AKT2: variants seen among roughly 807,000 people sequenced by gnomAD.
AKT2 encodes the protein AKT serine/threonine kinase 2, also known as RAC-beta serine/threonine-protein kinase.
AKT2 carries 16 observed loss-of-function variants against 58.6 expected under a neutral mutation model. The observed-to-expected ratio is 0.27, with a 90% CI of 0.18 to 0.41. The LOEUF is 0.41. AKT2 is among the 10% of genes least tolerant of loss of function. The pLI, the probability that AKT2 is intolerant of heterozygous loss-of-function variation, is 1.00. For missense variants in AKT2, 438 were observed against 661.0 expected (o/e 0.66, Z 3.70); for synonymous variants, 253 against 254.0 (o/e 1.00, Z 0.04).
intron 4 of AKT2, among the ~76,000 whole-genome samples, chr19:40,252,260 C>T (rs1451404631): frequency 6.6e-6 from 1 of 152,142 alleles, no homozygotes; most frequent in African/African-American, 2.4e-5. Flanking sequence ...TCTGGTTCAC[C>T]CCCTCCACCC....
At chr19:40,245,197 C>T (rs1974670210) in intron 4 of AKT2, among the ~76,000 whole-genome samples, 1 of 152,136 alleles carries the variant, frequency 6.6e-6, no homozygotes, top group Non-Finnish European at 1.5e-5. Context: ...AAGATTGAGG[C>T]AGGTCTGTAT....
At position 40,235,551 on chromosome 19, in the gene AKT2, G is replaced by A. The variant is rs1044742951; in HGVS notation, c.1176-201C>T. 82 of 656,370 alleles carry A rather than the reference G, an allele frequency of 1.2e-4. No homozygotes were observed. The highest frequency in any genetic ancestry group is 8.4e-4 in the African/African-American group (47 of 56,266). 40.7% of individuals were successfully genotyped at this position (656,370 alleles called of 1,614,324 possible). Reference sequence around the variant, plus strand: ...CAGGGAGTCAGCAACCCGGACCCACGTGTCCTCACTGCCTGGCCTTACCCT... The same window carrying A: ...CAGGGAGTCAGCAACCCGGACCCACATGTCCTCACTGCCTGGCCTTACCCT... On this transcript the variant is annotated intron_variant, in intron 11 of 13. Coordinates refer to ENST00000392038, the MANE Select transcript of AKT2 (RefSeq NM_001626.6). This position sits in a 1 kb window ranked among gnomAD's most constrained non-coding sequence, Gnocchi z 6.3.
chr19:40,235,497 G>A lies in AKT2; in HGVS notation c.1176-147C>T. 1.2e-6 allele frequency: 1 copy of A among 806,764 alleles called. No homozygotes were observed. Among genetic ancestry groups the A allele is most frequent in the Non-Finnish European group, 2.1e-6 (1 of 485,298 alleles). The allele number at this position is 806,764 out of a possible 1,614,324, so 50.0% of individuals were successfully genotyped here. On this transcript the variant is annotated intron_variant, in intron 11 of 13. Coordinates refer to ENST00000392038, the MANE Select transcript of AKT2 (RefSeq NM_001626.6). This position sits in a 1 kb window ranked among gnomAD's most constrained non-coding sequence, Gnocchi z 6.3. The stretch of plus-strand genomic sequence containing the variant: ...ACAGAGGAGGAAACCGAGGCTCAGG[G>A]AGGGAGCTCACGTGCCCAGGGTCAG...
At position 40,236,222 on chromosome 19, in the gene AKT2, C is replaced by T. The variant is rs780903001; in HGVS notation, c.960+35G>A. 1.9e-6 allele frequency: 3 copies of T among 1,613,454 alleles called. No homozygotes were observed. In the South Asian group the frequency reaches 3.3e-5, roughly 18 times the overall value. On this transcript the variant is annotated intron_variant, in intron 10 of 13. Transcript: ENST00000392038. Reference sequence around the variant, plus strand: ...GTCTGGGGGATCCCCCTACCCTTGGCCTCACACGTTCCTACCCCCACCAAC... The same window carrying T: ...GTCTGGGGGATCCCCCTACCCTTGGTCTCACACGTTCCTACCCCCACCAAC...
chr19:40,263,112 G>T (rs916333650), intron 2 of AKT2, among the ~76,000 whole-genome samples: 7 of 152,180 alleles, frequency 4.6e-5, no homozygotes, highest in African/African-American at 1.7e-4. Context: ...GACACTGAAG[G>T]CCCAAGAGGG....
At chr19:40,276,028 G>C (rs2077316042) in intron 1 of AKT2, among the ~76,000 whole-genome samples, 1 of 147,842 alleles carries the variant, frequency 6.8e-6, no homozygotes, top group Admixed American at 6.7e-5. Flanking sequence ...AAAAAAAAAA[G>C]TCCATACATG....
chr19:40,280,351 T>C (rs1444369404), intron 1 of AKT2, among the ~76,000 whole-genome samples: 1 of 152,098 alleles, frequency 6.6e-6, no homozygotes, highest in Admixed American at 6.5e-5. Context: ...GAACACGGTG[T>C]GAAAACCACA....
At chr19:40,279,051 T>C (rs775913601) in intron 1 of AKT2, 1 of 152,102 alleles carries the variant, frequency 6.6e-6, no homozygotes, top group Non-Finnish European at 1.5e-5. Context: ...CCCCAGCCCA[T>C]TCGGAAAGGG....
chr19:40,272,603 A>G (rs1439561689), intron 1 of AKT2, among the ~76,000 whole-genome samples: 1 of 152,184 alleles, frequency 6.6e-6, no homozygotes, highest in Admixed American at 6.5e-5. Context: ...TGTCATTGAG[A>G]TTGGCATGTA....
intron 1 of AKT2, chr19:40,279,693 A>G (rs2077389571): frequency 6.7e-6 from 1 of 150,176 alleles, no homozygotes; most frequent in Non-Finnish European, 1.5e-5. Context: ...TCCCGCACCA[A>G]GCCTTAGGGG....
Position 40,235,819 on chromosome 19 carries a change from G to A in AKT2, c.1175+71C>T, listed in dbSNP as rs1973986493. 4.1e-6 allele frequency: 6 copies of A among 1,472,166 alleles called. No individual in the cohort carries two copies. The Admixed American group carries it at 1.2e-4, about 28-fold the overall frequency. 91.2% of individuals were successfully genotyped at this position (1,472,166 alleles called of 1,614,324 possible). On this transcript the variant is annotated intron_variant, in intron 11 of 13. Coordinates refer to ENST00000392038, the MANE Select transcript of AKT2 (RefSeq NM_001626.6). The surrounding 1 kb of genome is among the most constrained non-coding windows in gnomAD (Gnocchi z 6.3). ...ACAAGCGAGCACCCTTGTGGACGCT[G>A]CCCCCTCCAGGCCGCAGGGACAGTG...
chr19:40,284,042 C>G (rs1352849972), intron 1 of AKT2, among the ~76,000 whole-genome samples: 1 of 152,168 alleles, frequency 6.6e-6, no homozygotes, highest in East Asian at 1.9e-4. Flanking sequence ...CGAGTGAACT[C>G]CTGCTGCTTC....
chr19:40,243,123 A>C (rs948007623), intron 4 of AKT2: 1 of 170,914 alleles, frequency 5.9e-6, no homozygotes, highest in African/African-American at 2.4e-5. Flanking sequence ...GCCTGGTGAC[A>C]GTGCGAGACT....
intron 4 of AKT2, among the ~76,000 whole-genome samples, chr19:40,253,021 G>A (rs181480269): frequency 1.8e-4 from 28 of 152,286 alleles, no homozygotes; most frequent in Admixed American, 1.7e-3. Flanking sequence ...ATAGTAACAA[G>A]TCTCATGATA....
At chr19:40,284,048 G>A (rs1415190785) in intron 1 of AKT2, among the ~76,000 whole-genome samples, 1 of 152,154 alleles carries the variant, frequency 6.6e-6, no homozygotes. Context: ...AACTCCTGCT[G>A]CTTCTCTGGG....
At chr19:40,249,204 CA>C (rs557113960) in intron 4 of AKT2, among the ~76,000 whole-genome samples, 363 of 152,246 alleles carry the variant, frequency 2.4e-3, no homozygotes, top group African/African-American at 7.9e-3. Context: ...GAACAGGCTC[CA>C]AATTTCTGTT....
chr19:40,282,570 A>G (rs147213560), intron 1 of AKT2: 3 of 532,290 alleles, frequency 5.6e-6, no homozygotes, highest in Admixed American at 3.9e-5. Flanking sequence ...AAGACATAGG[A>G]CAGTCACCTC....
rs1233612370 is a variant in AKT2 at position 40,230,509 on chromosome 19, C to G, written c.*3363G>C. 8.8e-6 allele frequency: 2 copies of G among 227,600 alleles called. No individual in the cohort carries two copies. Among genetic ancestry groups the G allele is most frequent in the African/African-American group, 4.4e-5 (2 of 44,978 alleles). 14.1% of individuals were successfully genotyped at this position (227,600 alleles called of 1,614,324 possible). On this transcript the variant is annotated 3_prime_UTR_variant, in exon 14 of 14. Coordinates refer to ENST00000392038, the MANE Select transcript of AKT2 (RefSeq NM_001626.6). Reference sequence around the variant, plus strand: ...CACTGCCGCCCCCGACTCCACACAACCATCAGTGCACGAGGGCAGCCCCCA... The same window carrying G: ...CACTGCCGCCCCCGACTCCACACAAGCATCAGTGCACGAGGGCAGCCCCCA...
chr19:40,271,675 C>T (rs553666445), intron 1 of AKT2, among the ~76,000 whole-genome samples: 1 of 152,284 alleles, frequency 6.6e-6, no homozygotes, highest in South Asian at 2.1e-4. Flanking sequence ...GCAGAAAATG[C>T]TAGTGCCAGG....
Sources: allele counts gnomAD v4.1 joint callset (sites outside exome capture counted in the v4.1 genomes callset), GRCh38; gene constraint gnomAD v4.1.1; non-coding constraint Gnocchi (gnomAD v3.1); transcripts MANE v1.5; gene names NCBI Gene and HGNC (gene_info 2026-07-23, HGNC 2026-07-21).